The following SUMF1 variants were observed in gnomAD, a reference collection of about 807,000 sequenced individuals.
SUMF1 encodes the protein sulfatase modifying factor 1, also known as formylglycine-generating enzyme.
Under a neutral mutation model 47.6 loss-of-function variants are expected in SUMF1, and 48 were observed. The ratio of observed to expected loss-of-function variants is 1.01; its 90% CI spans 0.80 to 1.28. The LOEUF is 1.28. Among genes scored for constraint, SUMF1 ranks in the 50% most tolerant of loss-of-function variants. The pLI, the probability that SUMF1 is intolerant of heterozygous loss-of-function variation, is 0.00. For missense variants in SUMF1, 571 were observed against 485.4 expected (o/e 1.18, Z -1.66); for synonymous variants, 230 against 192.1 (o/e 1.20, Z -1.63).
At chr3:4,227,474 TC>T (rs1221569925) in intron 8 of SUMF1, among the ~76,000 whole-genome samples, 1 of 152,030 alleles carries the variant, frequency 6.6e-6, no homozygotes, top group Non-Finnish European at 1.5e-5. Context: ...CTTTCATCTA[TC>T]CAGTAGCCAT....
At chr3:4,103,470 G>C (rs1428759236) in intron 8 of SUMF1, among the ~76,000 whole-genome samples, 1 of 151,816 alleles carries the variant, frequency 6.6e-6, no homozygotes, top group African/African-American at 2.4e-5. Context: ...TTTTTTGCTG[G>C]AACATGAAGA....
intron 8 of SUMF1, among the ~76,000 whole-genome samples, chr3:4,207,618 T>G (rs1373777510): frequency 6.6e-6 from 1 of 152,192 alleles, no homozygotes; most frequent in Non-Finnish European, 1.5e-5. Flanking sequence ...TAACTGATTT[T>G]GGGTTAATAA....
intron 8 of SUMF1, among the ~76,000 whole-genome samples, chr3:4,173,667 G>A (rs1237372134): frequency 6.6e-6 from 1 of 152,130 alleles, no homozygotes; most frequent in African/African-American, 2.4e-5. Flanking sequence ...AAAAAAATGT[G>A]GCACATATAC....
At chr3:4,357,818 G>A (rs1334040046), downstream of SUMF1, among the ~76,000 whole-genome samples, 1 of 151,886 alleles carries the variant, frequency 6.6e-6, no homozygotes, top group Admixed American at 6.6e-5. Context: ...ATGTTGGCCA[G>A]GTTAGTCATG....
intron 8 of SUMF1, among the ~76,000 whole-genome samples, chr3:4,371,003 G>A (rs1156229573): frequency 2.6e-5 from 4 of 152,104 alleles, no homozygotes; most frequent in East Asian, 1.9e-4. Context: ...CGAGGTCAGG[G>A]CCATCACTTG....
chr3:4,066,246 T>C (rs1450378142), intron 9 of SUMF1, among the ~76,000 whole-genome samples: 2 of 151,792 alleles, frequency 1.3e-5, no homozygotes, highest in African/African-American at 2.4e-5. Context: ...ATGATATCAG[T>C]TCAGTCAACT....
intron 7 of SUMF1, among the ~76,000 whole-genome samples, chr3:4,389,278 C>T (rs1027230735): frequency 1.3e-5 from 2 of 151,876 alleles, no homozygotes; most frequent in South Asian, 2.1e-4. Flanking sequence ...AAACATCATG[C>T]CATTTCCTCT....
chr3:4,178,057 C>G (rs1211057324), intron 8 of SUMF1, among the ~76,000 whole-genome samples: 1 of 152,022 alleles, frequency 6.6e-6, no homozygotes, highest in Non-Finnish European at 1.5e-5. Flanking sequence ...TAAGAGCCTA[C>G]CAGCCAAAAA....
At chr3:4,408,590 G>A (rs1701444699) in intron 7 of SUMF1, among the ~76,000 whole-genome samples, 1 of 152,162 alleles carries the variant, frequency 6.6e-6, no homozygotes, top group South Asian at 2.1e-4. Context: ...CACTTTAGGA[G>A]GCCAAGGTGT....
chr3:4,225,557 A>G (rs1469170473), intron 8 of SUMF1, among the ~76,000 whole-genome samples: 1 of 152,144 alleles, frequency 6.6e-6, no homozygotes, highest in Non-Finnish European at 1.5e-5. Context: ...ATGGTAAATA[A>G]ACCCAGCTAA....
intron 8 of SUMF1, among the ~76,000 whole-genome samples, chr3:4,327,318 C>T (rs1348456842): frequency 6.6e-6 from 1 of 152,178 alleles, no homozygotes; most frequent in African/African-American, 2.4e-5. Flanking sequence ...AGCCTAATGG[C>T]ACAATGTCTA....
intron 8 of SUMF1, among the ~76,000 whole-genome samples, chr3:4,252,306 A>C (rs1056812602): frequency 6.6e-6 from 1 of 152,046 alleles, no homozygotes; most frequent in African/African-American, 2.4e-5. Context: ...GAAAGTAGCA[A>C]ATAGTTCTGA....
intron 8 of SUMF1, among the ~76,000 whole-genome samples, chr3:4,367,263 G>C (rs1031206837): frequency 1.3e-5 from 2 of 152,150 alleles, no homozygotes; most frequent in Non-Finnish European, 2.9e-5. Context: ...GTCAGACAGG[G>C]ACATTTAAGT....
chr3:4,296,270 C>G (rs560238394), intron 8 of SUMF1, among the ~76,000 whole-genome samples: 3 of 149,614 alleles, frequency 2.0e-5, no homozygotes, highest in African/African-American at 7.4e-5. Flanking sequence ...TGGGAAGGCA[C>G]TCTTTAGTGA....
chr3:4,197,432 C>T (rs781316463), intron 8 of SUMF1, among the ~76,000 whole-genome samples: 1 of 152,066 alleles, frequency 6.6e-6, no homozygotes, highest in Non-Finnish European at 1.5e-5. Context: ...ATTAAACTTA[C>T]ACCATGCTCT....
chr3:4,303,261 G>A (rs936765840), intron 8 of SUMF1: 3 of 1,261,690 alleles, frequency 2.4e-6, no homozygotes, highest in Non-Finnish European at 3.2e-6. Flanking sequence ...CTCCTGAGAA[G>A]AAACGAACTA....
chr3:4,433,575 G>A (rs1702303751), intron 3 of SUMF1, among the ~76,000 whole-genome samples: 1 of 152,168 alleles, frequency 6.6e-6, no homozygotes, highest in African/African-American at 2.4e-5. Context: ...CAGTTACCGT[G>A]AACCCACCTT....
In SUMF1 at chr3:4,190,734, C is replaced by A. The variant is rs374191315; in HGVS notation, c.1015-121989G>T. Among the ~76,000 whole-genome samples the A allele has an allele frequency of 1.0e-3, 152 of 152,192 alleles. 4 individuals are homozygous for A. The South Asian group carries it at 0.031, about 31-fold the overall frequency. On this transcript the variant is annotated intron_variant and NMD_transcript_variant, in intron 8 of 12. Coordinates refer to the SUMF1 transcript ENST00000448413. Reference sequence around the variant, plus strand: ...TTCAATATTACTCAATGAATTTTTACTGACTTTCATACCCTGTACTAAGCA... The same window carrying A: ...TTCAATATTACTCAATGAATTTTTAATGACTTTCATACCCTGTACTAAGCA...
chr3:4,203,786 G>A (rs1461389641), intron 8 of SUMF1, among the ~76,000 whole-genome samples: 2 of 150,830 alleles, frequency 1.3e-5, no homozygotes, highest in African/African-American at 2.4e-5. Flanking sequence ...GTTACCATGA[G>A]GCTTGAAAAT....
Sources: gnomAD v4.1 joint callset for allele counts (sites outside exome capture counted in the v4.1 genomes callset) on GRCh38, gnomAD v4.1.1 for gene constraint, MANE v1.5 for transcripts, NCBI Gene and HGNC (gene_info 2026-07-23, HGNC 2026-07-21) for gene names.